The following GPATCH8 variants were observed in gnomAD, a reference collection of about 807,000 sequenced individuals.
The protein encoded by GPATCH8 is G patch domain-containing protein 8.
A neutral mutation model predicts 118.3 loss-of-function variants in GPATCH8; 18 were observed. The ratio of observed to expected loss-of-function variants is 0.15; its 90% CI spans 0.11 to 0.23. GPATCH8 has a LOEUF of 0.23. GPATCH8 is among the 10% of genes least tolerant of loss of function. The probability of loss-of-function intolerance (pLI) is 1.00; values close to 1 mark genes in which losing one functional copy is unlikely to be tolerated. For synonymous variants in GPATCH8, 659 were observed against 684.7 expected (o/e 0.96, Z 0.59); for missense variants, 1,631 against 1,873.8 (o/e 0.87, Z 2.39).
Position 44,396,246 on chromosome 17 carries a change from A to G in GPATCH8, c.*1322T>C, listed in dbSNP as rs1357757182. 6.6e-6 allele frequency: 3 copies of G among 454,364 alleles called. No homozygotes were observed. Among genetic ancestry groups the G allele is most frequent in the Admixed American group, 2.4e-5 (1 of 42,540 alleles). 28.1% of individuals were successfully genotyped at this position (454,364 alleles called of 1,614,324 possible). A position where few individuals can be genotyped will look rare whatever the true frequency, so the allele number is the denominator to read the frequency against. On this transcript the variant is annotated 3_prime_UTR_variant, in exon 8 of 8. Coordinates refer to ENST00000591680, the MANE Select transcript of GPATCH8 (RefSeq NM_001002909.4). The stretch of plus-strand genomic sequence containing the variant: ...GGAAACCCAGGAATCCCCCCAGACA[A>G]TCACCAAATCTCACTGCTTCCAGAC...
Position 44,398,949 on chromosome 17 carries a change from C to G in GPATCH8, c.3128G>C (p.Arg1043Pro). Residue 1043 changes from arginine (R) to proline (P), a missense_variant, in exon 8 of 8, where the codon CGG becomes CCG. Transcript: ENST00000591680. ...ATCTTTCTTCCCAGGACCTTCTCCC[C>G]GGCCTGATCGGAAATAGTGGGGGGA... is the stretch of plus-strand genomic sequence containing the variant. ...SQSPHYFRSGRGEGPGKKDDG... is the reference protein window; with the variant it reads ...SQSPHYFRSGPGEGPGKKDDG... 2.5e-6 allele frequency: 4 copies of G among 1,614,154 alleles called. No individual in the cohort carries two copies. Among genetic ancestry groups the G allele is most frequent in the Non-Finnish European group, 3.4e-6 (4 of 1,180,010 alleles).
At chr17:44,460,896 G>C (rs574529259) in intron 3 of GPATCH8, among the ~76,000 whole-genome samples, 1 of 152,156 alleles carries the variant, frequency 6.6e-6, no homozygotes, top group Non-Finnish European at 1.5e-5. Flanking sequence ...AATTATGTGG[G>C]TACTATAGAA....
In GPATCH8 at chr17:44,476,673, G is replaced by A. The variant is rs371509330; in HGVS notation, c.46-1770C>T. ...AACTTTAAATCAACTGATACCTCCCGGCTTTTCAAGAAATTAAAAATAAGC... is the reference window on the plus strand; with the variant it reads ...AACTTTAAATCAACTGATACCTCCCAGCTTTTCAAGAAATTAAAAATAAGC... On this transcript the variant is annotated intron_variant, in intron 1 of 7. Coordinates refer to ENST00000591680, the MANE Select transcript of GPATCH8 (RefSeq NM_001002909.4). Among the ~76,000 whole-genome samples the A allele has an allele frequency of 1.8e-4, 27 of 152,058 alleles. No homozygotes were observed. The Middle Eastern group carries it at 0.014, about 77-fold the overall frequency.
intron 5 of GPATCH8, among the ~76,000 whole-genome samples, 168 bp from the exon 6 acceptor site, chr17:44,424,660 C>G (rs1239539916): frequency 6.6e-6 from 1 of 152,126 alleles, no homozygotes; most frequent in East Asian, 1.9e-4. Flanking sequence ...GGTGGGTAAT[C>G]TGTGTGTCGT....
intron 3 of GPATCH8, among the ~76,000 whole-genome samples, chr17:44,461,740 C>A (rs561414180): frequency 3.9e-5 from 6 of 152,130 alleles, no homozygotes; most frequent in Admixed American, 2.6e-4. Flanking sequence ...GTCACCCAGG[C>A]TAGAGCGTAG....
At position 44,397,948 on chromosome 17, in the gene GPATCH8, G is replaced by T. The variant is rs1351096158; in HGVS notation, c.4129C>A (p.His1377Asn). The T allele has an allele frequency of 6.2e-7, 1 of 1,613,914 alleles. No homozygotes were observed. Among genetic ancestry groups the T allele is most frequent in the Non-Finnish European group, 8.5e-7 (1 of 1,179,832 alleles). The change falls in exon 8 of 8, where the codon CAT becomes AAT. Residue 1377 changes from histidine to asparagine, a missense_variant. This residue lies in a region of GPATCH8 where 111 missense variants were observed against 112.4 expected (regional missense o/e 0.99). Transcript: ENST00000591680. ...GCAGCATGATGTTGTAGGATGGCAT[G>T]CTGAACAGTTGTGATGGAGGTGGCA... ...ASATSITTVQ[H>N]AILQHHAAAA...
chr17:44,461,285 G>C (rs1354128718), intron 3 of GPATCH8, among the ~76,000 whole-genome samples: 1 of 151,916 alleles, frequency 6.6e-6, no homozygotes, highest in African/African-American at 2.4e-5. Context: ...GGGCTCAAGT[G>C]ATCCTCCCAC....
At chr17:44,407,829 A>G (rs2049290485) in intron 6 of GPATCH8, among the ~76,000 whole-genome samples, 3 of 151,646 alleles carry the variant, frequency 2.0e-5, no homozygotes, top group African/African-American at 4.8e-5. Context: ...GCTAATTTTT[A>G]TATTTTTAGT....
At chr17:44,410,864 A>T (rs2049403675) in intron 6 of GPATCH8, among the ~76,000 whole-genome samples, 1 of 152,212 alleles carries the variant, frequency 6.6e-6, no homozygotes, top group Admixed American at 6.5e-5. Context: ...CCAGTACTTG[A>T]AGTACCCATC....
At chr17:44,402,021 A>T (rs2049042497) in intron 7 of GPATCH8, among the ~76,000 whole-genome samples, 1 of 119,044 alleles carries the variant, frequency 8.4e-6, no homozygotes. Context: ...TTAAAAAAAA[A>T]AATAAAAAAT....
At chr17:44,475,805 C>T (rs551421128) in intron 1 of GPATCH8, among the ~76,000 whole-genome samples, 5 of 152,226 alleles carry the variant, frequency 3.3e-5, no homozygotes, top group Non-Finnish European at 7.4e-5. Context: ...GCGGGAAGAT[C>T]ACTTGAGGAC....
chr17:44,478,814 A>C (rs1356767623), intron 1 of GPATCH8, among the ~76,000 whole-genome samples: 5 of 152,078 alleles, frequency 3.3e-5, no homozygotes, highest in African/African-American at 1.2e-4. Context: ...ATCATAGCTT[A>C]CTGTAACCTT....
chr17:44,465,078 T>C (rs1449747462), intron 2 of GPATCH8: 6 of 135,956 alleles, frequency 4.4e-5, no homozygotes, highest in African/African-American at 1.1e-4. Flanking sequence ...CAGGCTAGAC[T>C]TGATTGGTTT....
At chr17:44,440,142 C>A (rs904136588) in intron 3 of GPATCH8, among the ~76,000 whole-genome samples, 10 of 152,064 alleles carry the variant, frequency 6.6e-5, no homozygotes, top group African/African-American at 2.4e-4. Context: ...TAAAATACAG[C>A]AAATATTATT....
chr17:44,462,752 G>A (rs1181251217), intron 3 of GPATCH8, among the ~76,000 whole-genome samples: 1 of 152,110 alleles, frequency 6.6e-6, no homozygotes, highest in African/African-American at 2.4e-5. Context: ...GGAGGCCGAG[G>A]CGGGCGGATC....
rs1283582447 is a variant in GPATCH8, at chr17:44,412,113, G to C, written c.493-6062C>G. On this transcript the variant is annotated intron_variant, in intron 6 of 7. Transcript: ENST00000591680. ...AATTTTTGTATTTTTAGTAGAGACA[G>C]GGTTTCTCCATGTTGGTCGGGATGG... 2.0e-5 allele frequency among the ~76,000 whole-genome samples: 3 copies of C among 152,302 alleles called. No homozygotes were observed. In the East Asian group the frequency reaches 5.8e-4, roughly 29 times the overall value.
chr17:44,493,060 T>TTTTTTTG (rs1197702610), intron 1 of GPATCH8, among the ~76,000 whole-genome samples: 12 of 149,248 alleles, frequency 8.0e-5, no homozygotes, highest in African/African-American at 3.0e-4. Flanking sequence ...TTAGGTTTTT[T>TTTTTTTG]TTTTTTTTTT....
At chr17:44,405,781 G>A in intron 7 of GPATCH8, 140 bp downstream of exon 7, 1 of 628,064 alleles carries the variant, frequency 1.6e-6, no homozygotes, top group South Asian at 1.9e-5. Context: ...TGGGATTATA[G>A]GGGTGAGCCA....
At chr17:44,495,470 TATGA>T in intron 1 of GPATCH8, among the ~76,000 whole-genome samples, 1 of 152,220 alleles carries the variant, frequency 6.6e-6, no homozygotes. Flanking sequence ...ATGCTGGTCT[TATGA>T]ATAATAAACT....
Sources: gnomAD v4.1 joint callset for allele counts (sites outside exome capture counted in the v4.1 genomes callset) on GRCh38, gnomAD v4.1.1 for gene constraint, gnomAD v4.1.1 regional missense constraint, MANE v1.5 for transcripts, NCBI Gene and HGNC (gene_info 2026-07-23, HGNC 2026-07-21) for gene names.